The following SORL1 variants were observed in gnomAD, a reference collection of about 807,000 sequenced individuals.
SORL1 encodes sortilin-related receptor.
In SORL1, 127 loss-of-function variants were observed where a neutral mutation model predicts 273.7. That is an observed-to-expected ratio of 0.46 (90% confidence interval 0.40 to 0.54). The LOEUF is 0.54. SORL1 is among the 20% of genes least tolerant of loss of function. The probability of loss-of-function intolerance (pLI) is 0.00; values close to 1 mark genes in which losing one functional copy is unlikely to be tolerated. For missense variants in SORL1, 2,494 were observed against 2,846.1 expected, an observed-to-expected ratio of 0.88 and a Z score of 2.81; for synonymous variants, 1,031 against 1,067.4, an observed-to-expected ratio of 0.97 and a Z score of 0.66.
chr11:121,584,532 G>A (rs1160110873), intron 26 of SORL1, among the ~76,000 whole-genome samples: 5 of 151,658 alleles, frequency 3.3e-5, no homozygotes, highest in Admixed American at 1.3e-4. Context: ...AATCCTCAAG[G>A]AACTATTCTA....
At chr11:121,590,357 A>G (rs865982838) in intron 30 of SORL1, 183 bp downstream of exon 30, 2 of 592,290 alleles carry the variant, frequency 3.4e-6, no homozygotes, top group Admixed American at 3.2e-5. Flanking sequence ...GGTTTCTCCT[A>G]TTTTCAGGCT....
chr11:121,500,129 G>A (rs922509456), intron 6 of SORL1, among the ~76,000 whole-genome samples: 1 of 152,222 alleles, frequency 6.6e-6, no homozygotes, highest in Non-Finnish European at 1.5e-5. Context: ...AAAATGATAG[G>A]GCCATTAAAG....
Position 121,625,092 on chromosome 11 carries a change from A to T in SORL1, c.6179A>T (p.Glu2060Val). 1 of 1,609,264 alleles carries T rather than the reference A, an allele frequency of 6.2e-7. No homozygotes were observed. The highest frequency in any genetic ancestry group is 1.1e-5 in the South Asian group (1 of 90,670). ...TCTTGTGTTTGTTTTCAGGGCTATGAGATACACATGTTTGATAGTGCCATG... is the reference window on the plus strand; with the variant it reads ...TCTTGTGTTTGTTTTCAGGGCTATGTGATACACATGTTTGATAGTGCCATG... Reference protein sequence around the residue: ...EKHFNESRGYEIHMFDSAMNI... With the variant: ...EKHFNESRGYVIHMFDSAMNI... Residue 2060 changes from glutamate (E) to valine (V), a missense_variant, in exon 46 of 48, where the codon GAG becomes GTG. Around this residue, in one of 3 missense-constraint regions of SORL1, gnomAD observed 1,609 missense variants for 1,816.4 expected, o/e 0.89. Transcript: ENST00000260197.
At position 121,630,160 on chromosome 11, in the gene SORL1, A is replaced by G. The variant is rs1863854647; in HGVS notation, c.*597A>G. The G allele has an allele frequency of 1.3e-5, 2 of 152,810 alleles. No homozygotes were observed. The highest frequency in any genetic ancestry group is 2.9e-5 in the Non-Finnish European group (2 of 68,512). The allele number at this position is 152,810 out of a possible 1,614,324, so 9.5% of individuals were successfully genotyped here. ...GGGAAGAGAAGCATATTTTTTTGCCATTCCGGAAGCAATCCATTTTTATTC... is the reference window on the plus strand; with the variant it reads ...GGGAAGAGAAGCATATTTTTTTGCCGTTCCGGAAGCAATCCATTTTTATTC... On this transcript the variant is annotated 3_prime_UTR_variant, in exon 48 of 48. Transcript: ENST00000260197.
chr11:121,586,279 A>G lies in SORL1; in HGVS notation c.3764A>G (p.His1255Arg), dbSNP rs1253987432. The G allele has an allele frequency of 1.7e-5, 27 of 1,614,030 alleles. No individual in the cohort carries two copies. The highest frequency in any genetic ancestry group is 2.2e-5 in the Non-Finnish European group (26 of 1,180,006). The change falls in exon 27 of 48, where the codon CAT (histidine) becomes CGT (arginine). Residue 1255 changes from histidine (H) to arginine (R), a missense_variant. Physicochemically the swap from His to Arg is conservative, Grantham distance 29 (BLOSUM62 0). Around this residue, in one of 3 missense-constraint regions of SORL1, gnomAD observed 1,609 missense variants for 1,816.4 expected, o/e 0.89. Transcript: ENST00000260197. ...PNGTCIPSSK[H>R]CDGLRDCSDG... is the part of the protein sequence containing the mutation. ...GGCACTTGCATCCCATCCAGCAAAC[A>G]TTGTGATGGTCTGCGTGATTGCTCT...
intron 12 of SORL1, among the ~76,000 whole-genome samples, chr11:121,534,546 T>C (rs1204787368): frequency 1.3e-5 from 2 of 152,238 alleles, no homozygotes; most frequent in African/African-American, 4.8e-5. Context: ...AAATAAAGCA[T>C]TTGAAAATAC....
rs1177463565 is a variant in SORL1, at chr11:121,520,678, T to G, written c.1233T>G (p.Phe411Leu). Residue 411 changes from phenylalanine to leucine, a missense_variant, in exon 9 of 48, where the codon TTT becomes TTG. Coordinates refer to ENST00000260197, the MANE Select transcript of SORL1 (RefSeq NM_003105.6). The part of the protein sequence containing the change: ...TLVRYFANEP[F>L]ADFHRVEGLQ... ...GTAGGTATTTTGCAAATGAACCATT[T>G]GCTGACTTCCACCGAGTGGAAGGAT... 1 of 1,577,532 alleles carries G rather than the reference T, an allele frequency of 6.3e-7. No homozygotes were observed. The highest frequency in any genetic ancestry group is 1.9e-5 in the Admixed American group (1 of 51,934).
At chr11:121,565,574 G>A (rs1412432963) in intron 21 of SORL1, among the ~76,000 whole-genome samples, 3 of 152,158 alleles carry the variant, frequency 2.0e-5, no homozygotes, top group African/African-American at 7.2e-5. Flanking sequence ...GGGCATCTCT[G>A]TCCATGACAT....
chr11:121,472,778 T>A (rs1320957949), intron 2 of SORL1, among the ~76,000 whole-genome samples: 1 of 152,056 alleles, frequency 6.6e-6, no homozygotes, highest in Non-Finnish European at 1.5e-5. Context: ...CTGACCAACA[T>A]GGAGAAACCC....
At position 121,590,112 on chromosome 11, in the gene SORL1, A is replaced by G. The variant is rs1291801505; in HGVS notation, c.4151A>G (p.Asn1384Ser). 3.7e-6 allele frequency: 6 copies of G among 1,614,168 alleles called. No homozygotes were observed. The highest frequency in any genetic ancestry group is 1.7e-5 in the Admixed American group (1 of 60,026). ...TGTGAGAATGGCCACTGCATCCCCA[A>G]CAGATGGAAATGTGACAGGGAGAAC... ...FRCENGHCIP[N>S]RWKCDRENDC... The change falls in exon 30 of 48, where the codon AAC (asparagine) becomes AGC (serine). Residue 1384 changes from asparagine to serine, a missense_variant. Physicochemically the swap from Asn to Ser is conservative, Grantham distance 46. Coordinates refer to ENST00000260197, the MANE Select transcript of SORL1 (RefSeq NM_003105.6).
intron 1 of SORL1, among the ~76,000 whole-genome samples, chr11:121,455,027 C>G (rs1860880324): frequency 6.6e-6 from 1 of 152,106 alleles, no homozygotes; most frequent in African/African-American, 2.4e-5. Flanking sequence ...ACGACTTTCC[C>G]CTTCAACGTT....
intron 9 of SORL1, among the ~76,000 whole-genome samples, chr11:121,521,429 C>T (rs1862040651): frequency 6.6e-6 from 1 of 152,148 alleles, no homozygotes; most frequent in South Asian, 2.1e-4. Context: ...TTTGAGCGTG[C>T]TGTGGGGGTC....
chr11:121,478,045 AAAAAAAAG>A, intron 2 of SORL1, 65 bp from the exon 3 acceptor site: 3 of 1,468,038 alleles, frequency 2.0e-6, no homozygotes, highest in Non-Finnish European at 2.7e-6. Flanking sequence ...AAAAAAAAAA[AAAAAAAAG>A]AAAGATCTTT....
chr11:121,538,764 C>T (rs1481992724), intron 12 of SORL1, among the ~76,000 whole-genome samples: 2 of 152,044 alleles, frequency 1.3e-5, no homozygotes, highest in African/African-American at 2.4e-5. Context: ...CTGCAACCTC[C>T]GCCTCCCAGG....
At chr11:121,460,837 C>T (rs999386423) in intron 1 of SORL1, among the ~76,000 whole-genome samples, 7 of 152,068 alleles carry the variant, frequency 4.6e-5, no homozygotes, top group Non-Finnish European at 1.0e-4. Context: ...TAATAGGTAC[C>T]TGTGAGATAG....
chr11:121,503,531 T>A (rs1861742785), intron 6 of SORL1, among the ~76,000 whole-genome samples: 2 of 152,026 alleles, frequency 1.3e-5, no homozygotes, highest in Non-Finnish European at 2.9e-5. Context: ...TGCTGTCACC[T>A]AGGCTGGAAT....
intron 29 of SORL1, among the ~76,000 whole-genome samples, 172 bp downstream of exon 29, chr11:121,589,562 C>T (rs1188337126): frequency 6.6e-6 from 1 of 152,204 alleles, no homozygotes; most frequent in Admixed American, 6.5e-5. Context: ...AAGGGGGCAG[C>T]TGGCACCCAG....
chr11:121,555,181 C>A lies in SORL1; in HGVS notation c.2440-6C>A. On this transcript the variant is annotated splice_polypyrimidine_tract_variant and splice_region_variant and intron_variant, in intron 17 of 47. Coordinates refer to ENST00000260197, the MANE Select transcript of SORL1 (RefSeq NM_003105.6). ...CTAGCATTTATTATTACTTTTCTCT[C>A]TTAAGCGCCTCTGTTTGAATGGAAG... 2 of 1,612,246 alleles carry A rather than the reference C, an allele frequency of 1.2e-6. No homozygotes were observed. The highest frequency in any genetic ancestry group is 2.2e-5 in the South Asian group (2 of 90,916).
At chr11:121,546,325 G>A (rs1862425895) in intron 14 of SORL1, among the ~76,000 whole-genome samples, 1 of 150,534 alleles carries the variant, frequency 6.6e-6, no homozygotes, top group Non-Finnish European at 1.5e-5. Context: ...ACAGAGCTTA[G>A]CTGTAGGAGC....
Sources: allele counts gnomAD v4.1 joint callset (sites outside exome capture counted in the v4.1 genomes callset), GRCh38; gene constraint gnomAD v4.1.1; regional missense constraint gnomAD v4.1.1; transcripts MANE v1.5; gene names NCBI Gene and HGNC (gene_info 2026-07-23, HGNC 2026-07-21).